The following TMEM223 variants were observed in gnomAD, a reference collection of about 807,000 sequenced individuals.
TMEM223 encodes transmembrane protein 223.
A neutral mutation model predicts 14.1 loss-of-function variants in TMEM223; 14 were observed. The ratio of observed to expected loss-of-function variants is 0.99; its 90% CI spans 0.66 to 1.55. TMEM223 has a LOEUF of 1.55. Ranked by LOEUF, TMEM223 falls within the 40% of genes most tolerant of loss-of-function variation. The pLI is 0.00. For synonymous variants in TMEM223, 145 were observed against 120.5 expected (o/e 1.20, Z -1.33); for missense variants, 346 against 269.9 (o/e 1.28, Z -1.97).
At chr11:62,775,676 A>G in intron 1 of TMEM223, 1 of 1,388,482 alleles carries the variant, frequency 7.2e-7, no homozygotes, top group East Asian at 2.3e-5. Flanking sequence ...ACTCCAGAGC[A>G]CGAGCAGCAA....
In TMEM223 at chr11:62,790,485, A is replaced by C. The variant is rs1370521070; in HGVS notation, c.*138T>G. On this transcript the variant is annotated 3_prime_UTR_variant, in exon 2 of 2. Coordinates refer to ENST00000307366, the MANE Select transcript of TMEM223 (RefSeq NM_001080501.3). ...GAGACAAGGTCTCGCTATGTTGCCC[A>C]GCCTGGGCTCGAGCAGTGCTCCTGC... 2 of 756,028 alleles carry C rather than the reference A, an allele frequency of 2.6e-6. No individual in the cohort carries two copies. The highest frequency in any genetic ancestry group is 6.5e-5 in the Admixed American group (2 of 30,744). 46.8% of individuals were successfully genotyped at this position (756,028 alleles called of 1,614,324 possible).
At chr11:62,779,952 C>CCATATATATATATATA (rs1332185092) in intron 1 of TMEM223, among the ~76,000 whole-genome samples, 1 of 100,064 alleles carries the variant, frequency 1.0e-5, no homozygotes, top group African/African-American at 4.5e-5. Flanking sequence ...AGGCGTGAGC[C>CCATATATATATATATA]TATATATATA....
At chr11:62,784,512 T>G (rs2134722954), downstream of TMEM223, among the ~76,000 whole-genome samples, 1 of 151,814 alleles carries the variant, frequency 6.6e-6, no homozygotes, top group Middle Eastern at 3.4e-3. Flanking sequence ...TTCACCGTGT[T>G]AGCCAGGATG....
chr11:62,771,899 ACAACGATCTAT>A (rs1379897092), exon 3 of TMEM223: 3 of 316,922 alleles, frequency 9.5e-6, no homozygotes, highest in African/African-American at 6.5e-5. Flanking sequence ...CTGCAGCTTC[ACAACGATCTAT>A]TGGCGGGTCT....
At chr11:62,786,478 C>A, downstream of TMEM223, 1 of 1,581,220 alleles carries the variant, frequency 6.3e-7, no homozygotes, top group South Asian at 1.1e-5. Context: ...GCCCAGGTTC[C>A]TCGAATTTTT....
At chr11:62,786,435 A>C, downstream of TMEM223, 2 of 1,600,764 alleles carry the variant, frequency 1.2e-6, no homozygotes, top group Non-Finnish European at 1.7e-6. Flanking sequence ...TGAGCTTAGC[A>C]GCCAAGCAGG....
chr11:62,772,454 C>CA (rs1056071224), intron 2 of TMEM223, among the ~76,000 whole-genome samples: 2 of 149,260 alleles, frequency 1.3e-5, no homozygotes, highest in African/African-American at 5.0e-5. Context: ...ACCAGGGAGG[C>CA]AGAGGTTGTA....
At chr11:62,789,256 T>C (rs1211391231), downstream of TMEM223, 3 of 1,613,944 alleles carry the variant, frequency 1.9e-6, no homozygotes, top group East Asian at 6.7e-5. Flanking sequence ...AGGATGAGCC[T>C]CACCTCCACC....
downstream of TMEM223, chr11:62,787,695 T>G: frequency 1.1e-6 from 1 of 877,816 alleles, no homozygotes; most frequent in Non-Finnish European, 1.7e-6. Context: ...AATCGCGCTT[T>G]GTGGCTCCTC....
intron 1 of TMEM223, among the ~76,000 whole-genome samples, chr11:62,780,369 C>T (rs748071012): frequency 2.8e-4 from 41 of 149,006 alleles, no homozygotes; most frequent in Non-Finnish European, 4.2e-4. Context: ...AAATTAGTCA[C>T]GTGTGGTGGT....
Position 62,782,271 on chromosome 11 carries a change from C to T in TMEM223, c.315-7606G>A, listed in dbSNP as rs1044906786. The stretch of plus-strand genomic sequence containing the variant: ...TGGAGCCACTGGCTGCCTCCATCAA[C>T]CCCCTGAATGACCACTGGACTCTGC... On this transcript the variant is annotated intron_variant, in intron 1 of 2. Coordinates refer to the TMEM223 transcript ENST00000528367. The T allele has an allele frequency of 3.7e-6, 6 of 1,614,070 alleles. No individual in the cohort carries two copies. The African/African-American group carries it at 6.7e-5, about 18-fold the overall frequency.
chr11:62,789,755 C>A, downstream of TMEM223: 1 of 1,512,590 alleles, frequency 6.6e-7, no homozygotes, highest in Non-Finnish European at 8.9e-7. Context: ...GTATTGTGAG[C>A]TTGGCCTACC....
chr11:62,783,736 T>G (rs1266120097), downstream of TMEM223, among the ~76,000 whole-genome samples: 2 of 151,682 alleles, frequency 1.3e-5, no homozygotes, highest in Non-Finnish European at 2.9e-5. Context: ...TTTCATCATG[T>G]TAGCCAGGCT....
At position 62,791,742 on chromosome 11, in the gene TMEM223, C is replaced by T; in HGVS notation, c.253G>A (p.Gly85Ser). 1.9e-6 allele frequency: 3 copies of T among 1,561,644 alleles called. No homozygotes were observed. The highest frequency in any genetic ancestry group is 2.6e-6 in the Non-Finnish European group (3 of 1,153,420). ...QPLDAEVPNR[G>S]PFDLRSALWR... is the part of the protein sequence containing the mutation. The stretch of plus-strand genomic sequence containing the variant: ...AGCGCGGAGCGCAGGTCGAAGGGGC[C>T]ACGATTTGGGACCTCCGCATCCAGA... Residue 85 changes from glycine (G) to serine (S), a missense_variant, in exon 1 of 2, where the codon GGC becomes AGC. Coordinates refer to ENST00000307366, the MANE Select transcript of TMEM223 (RefSeq NM_001080501.3).
At chr11:62,774,810 G>T in intron 1 of TMEM223, 1 of 326,282 alleles carries the variant, frequency 3.1e-6, no homozygotes, top group Non-Finnish European at 6.4e-6. Context: ...TTAGCTGGGC[G>T]TGGTGGCACG....
downstream of TMEM223, chr11:62,786,179 G>T: frequency 6.6e-7 from 1 of 1,522,958 alleles, no homozygotes; most frequent in African/African-American, 1.4e-5. Flanking sequence ...AGAGATAAAG[G>T]TAGGTCTTTC....
At chr11:62,771,879 G>C (rs1396969539) in exon 3 of TMEM223, 2 of 309,108 alleles carry the variant, frequency 6.5e-6, no homozygotes, top group African/African-American at 4.4e-5. Context: ...CCATTTTACA[G>C]ATAGGGAAAC....
chr11:62,787,162 C>A (rs1329483691), downstream of TMEM223: 2 of 1,580,406 alleles, frequency 1.3e-6, no homozygotes, highest in Non-Finnish European at 8.5e-7. Flanking sequence ...GCGCCTTTTC[C>A]AGACTGCCTT....
At chr11:62,780,951 A>G (rs1401382287) in intron 1 of TMEM223, among the ~76,000 whole-genome samples, 1 of 147,162 alleles carries the variant, frequency 6.8e-6, no homozygotes, top group African/African-American at 2.5e-5. Context: ...AAAAAAAAAA[A>G]AGGGCCGGGC....
Sources: allele counts gnomAD v4.1 joint callset (sites outside exome capture counted in the v4.1 genomes callset), GRCh38; gene constraint gnomAD v4.1.1; transcripts MANE v1.5; gene names NCBI Gene and HGNC (gene_info 2026-07-23, HGNC 2026-07-21).